The following APLP2 variants were observed in gnomAD, a reference collection of about 807,000 sequenced individuals.
APLP2 encodes the protein amyloid beta precursor like protein 2.
A neutral mutation model predicts 89.9 loss-of-function variants in APLP2; 53 were observed. The observed-to-expected ratio is 0.59, with a 90% CI of 0.47 to 0.74. The LOEUF (loss-of-function observed/expected upper bound fraction) is 0.74. Among genes scored for constraint, APLP2 ranks in the 30% least tolerant of loss-of-function variants. APLP2 has a pLI of 0.00. For synonymous variants in APLP2, 372 were observed against 348.6 expected (o/e 1.07, Z -0.75); for missense variants, 973 against 975.9 (o/e 1.00, Z 0.04).
At chr11:130,087,371 A>G (rs1229831707) in intron 1 of APLP2, among the ~76,000 whole-genome samples, 1 of 152,210 alleles carries the variant, frequency 6.6e-6, no homozygotes, top group Non-Finnish European at 1.5e-5. Flanking sequence ...TCCAAAGATC[A>G]TGGGTTTTAA....
intron 1 of APLP2, 101 bp downstream of exon 1, chr11:130,070,183 G>GCGGCGCCGGGGGTC (rs1441840840): frequency 1.2e-5 from 7 of 593,448 alleles, no homozygotes; most frequent in African/African-American, 5.9e-5. Flanking sequence ...GGCCGGCGGT[G>GCGGCGCCGGGGGTC]CGGCGCCGGG....
chr11:130,127,936 T>C, intron 9 of APLP2, 96 bp downstream of exon 9: 1 of 1,006,618 alleles, frequency 9.9e-7, no homozygotes, highest in Non-Finnish European at 1.5e-6. Context: ...GGACACCACC[T>C]CCTTTTAGGT....
At chr11:130,083,913 A>G (rs907040340) in intron 1 of APLP2, among the ~76,000 whole-genome samples, 1 of 152,150 alleles carries the variant, frequency 6.6e-6, no homozygotes, top group African/African-American at 2.4e-5. Flanking sequence ...ACTATTTTCT[A>G]TAGTGGCTGC....
intron 1 of APLP2, among the ~76,000 whole-genome samples, chr11:130,072,934 T>A (rs1941403971): frequency 6.6e-6 from 1 of 152,198 alleles, no homozygotes; most frequent in South Asian, 2.1e-4. Context: ...GGTTATTGAG[T>A]CTGTAGGGTG....
At chr11:130,111,880 C>A (rs1016646308) in intron 3 of APLP2, among the ~76,000 whole-genome samples, 4 of 152,208 alleles carry the variant, frequency 2.6e-5, no homozygotes, top group African/African-American at 9.7e-5. Context: ...TATTTGTAGA[C>A]AGTGGATAGA....
In APLP2 at chr11:130,086,851, T is replaced by C. The variant is rs183716862; in HGVS notation, c.105+16769T>C. ...GGGCTCTCTATTCCAAATGTCTGTCTTTATGCCAATATCACACTGTTTGAT... is the reference window on the plus strand; with the variant it reads ...GGGCTCTCTATTCCAAATGTCTGTCCTTATGCCAATATCACACTGTTTGAT... On this transcript the variant is annotated intron_variant, in intron 1 of 16. Transcript: ENST00000338167. Among the ~76,000 whole-genome samples the C allele has an allele frequency of 6.0e-3, 913 of 152,350 alleles. 1 individual carries two copies. Among genetic ancestry groups the C allele is most frequent in the Non-Finnish European group, 9.6e-3 (655 of 68,034 alleles).
chr11:130,070,137 G>T, intron 1 of APLP2, 55 bp downstream of exon 1: 1 of 1,207,000 alleles, frequency 8.3e-7, no homozygotes, highest in Non-Finnish European at 1.1e-6. Flanking sequence ...GGAGGAGCGC[G>T]GACTGCGGGC....
At chr11:130,107,849 A>G (rs1011435026) in intron 1 of APLP2, among the ~76,000 whole-genome samples, 6 of 152,202 alleles carry the variant, frequency 3.9e-5, no homozygotes, top group African/African-American at 1.2e-4. Context: ...ACAGCATGGT[A>G]CTGGTACCAA....
intron 1 of APLP2, among the ~76,000 whole-genome samples, chr11:130,087,847 G>T (rs1325854521): frequency 6.6e-6 from 1 of 152,074 alleles, no homozygotes; most frequent in African/African-American, 2.4e-5. Context: ...AAAAAATCCT[G>T]CTGGGCTATT....
intron 7 of APLP2, among the ~76,000 whole-genome samples, chr11:130,126,159 G>C (rs1237396900): frequency 1.3e-5 from 2 of 152,182 alleles, no homozygotes; most frequent in Non-Finnish European, 2.9e-5. Flanking sequence ...GAGTGATGGG[G>C]ACTTTCTCTA....
At chr11:130,115,558 T>C in intron 3 of APLP2, among the ~76,000 whole-genome samples, 1 of 152,242 alleles carries the variant, frequency 6.6e-6, no homozygotes, top group Non-Finnish European at 1.5e-5. Flanking sequence ...GGTTAGGTTT[T>C]GCTATATTGC....
At chr11:130,133,125 CTTT>C (rs757444184) in intron 11 of APLP2, among the ~76,000 whole-genome samples, 2 of 141,202 alleles carry the variant, frequency 1.4e-5, no homozygotes, top group Non-Finnish European at 3.1e-5. Context: ...ATTATACAGT[CTTT>C]TTTTTTTTTT....
intron 1 of APLP2, among the ~76,000 whole-genome samples, chr11:130,104,533 A>G (rs1042095216): frequency 2.0e-5 from 3 of 152,092 alleles, no homozygotes; most frequent in Non-Finnish European, 4.4e-5. Flanking sequence ...TGCATCTTGA[A>G]CTAAGTGTGA....
intron 1 of APLP2, among the ~76,000 whole-genome samples, chr11:130,076,366 C>T (rs954787077): frequency 5.3e-5 from 8 of 152,172 alleles, no homozygotes; most frequent in African/African-American, 9.7e-5. Context: ...TGAGCCACTG[C>T]GGGCCCAGCT....
chr11:130,130,539 C>T (rs539960854), intron 11 of APLP2, among the ~76,000 whole-genome samples: 3 of 152,302 alleles, frequency 2.0e-5, no homozygotes, highest in African/African-American at 7.2e-5. Flanking sequence ...TAGACAGACA[C>T]TTTTACATTC....
chr11:130,110,689 A>G, intron 3 of APLP2, 28 bp downstream of exon 3: 2 of 1,592,602 alleles, frequency 1.3e-6, no homozygotes, highest in Non-Finnish European at 1.7e-6. Context: ...CTTTTCAGGA[A>G]GTGCCAGCCC....
At chr11:130,129,489 C>T (rs1950703393) in intron 10 of APLP2, among the ~76,000 whole-genome samples, 1 of 152,142 alleles carries the variant, frequency 6.6e-6, no homozygotes, top group South Asian at 2.1e-4. Flanking sequence ...AGTTATTGAA[C>T]TTCCTTTCAA....
intron 7 of APLP2, among the ~76,000 whole-genome samples, chr11:130,125,380 C>T (rs1407615281): frequency 2.2e-5 from 3 of 138,552 alleles, no homozygotes; most frequent in Admixed American, 6.8e-5. Context: ...GTCACTGATC[C>T]GCATGATGGA....
chr11:130,102,045 C>G, intron 1 of APLP2: 1 of 450,178 alleles, frequency 2.2e-6, no homozygotes, highest in Non-Finnish European at 4.4e-6. Flanking sequence ...ATTGTTTTCC[C>G]TTTTGTAGCT....
Sources: gnomAD v4.1 joint callset for allele counts (sites outside exome capture counted in the v4.1 genomes callset) on GRCh38, gnomAD v4.1.1 for gene constraint, MANE v1.5 for transcripts, NCBI Gene and HGNC (gene_info 2026-07-23, HGNC 2026-07-21) for gene names.